Variants in RUFY2 observed in about 807,000 individuals in gnomAD.
The protein encoded by RUFY2 is RUN and FYVE domain containing 2.
A neutral mutation model predicts 94.4 loss-of-function variants in RUFY2; 49 were observed. That is an observed-to-expected ratio of 0.52 (90% confidence interval 0.41 to 0.66). The LOEUF is 0.66. Ranked by LOEUF, RUFY2 falls within the 30% of genes least tolerant of loss-of-function variation. The pLI is 0.00. For synonymous variants in RUFY2, 255 were observed against 235.7 expected (o/e 1.08, Z -0.75); for missense variants, 541 against 692.8 (o/e 0.78, Z 2.46).
intron 15 of RUFY2, among the ~76,000 whole-genome samples, chr10:68,356,724 T>G (rs1237575262): frequency 6.6e-6 from 1 of 151,772 alleles, no homozygotes; most frequent in African/African-American, 2.4e-5. Flanking sequence ...AATTTTTGTA[T>G]TTTTAGTAGA....
Position 68,364,046 on chromosome 10 carries a change from T to C in RUFY2, c.1393A>G (p.Lys465Glu). Reference sequence around the variant, plus strand: ...AGATGAGATAAGGCATCTTTCTCCTTTTGAAGATCTTCCTGCAAAGTCTGC... The same window carrying C: ...AGATGAGATAAGGCATCTTTCTCCTCTTGAAGATCTTCCTGCAAAGTCTGC... ...WRQTLQEDLQ[K>E]EKDALSHLRN... The change falls in exon 14 of 18, where the codon AAG becomes GAG. Residue 465 changes from lysine to glutamate, a missense_variant. By Grantham distance (56) the Lys-to-Glu change is moderately conservative. Around this residue, in one of 3 missense-constraint regions of RUFY2, gnomAD observed 403 missense variants for 480.7 expected, o/e 0.84. Coordinates refer to ENST00000602465, the MANE Select transcript of RUFY2 (RefSeq NM_001330103.2). 1 of 1,612,532 alleles carries C rather than the reference T, an allele frequency of 6.2e-7. No individual in the cohort carries two copies. Among genetic ancestry groups the C allele is most frequent in the Non-Finnish European group, 8.5e-7 (1 of 1,178,802 alleles).
chr10:68,404,857 G>A lies in RUFY2; in HGVS notation c.5-13C>T, dbSNP rs759971131. On this transcript the variant is annotated splice_polypyrimidine_tract_variant and intron_variant, in intron 1 of 17. Coordinates refer to ENST00000602465, the MANE Select transcript of RUFY2 (RefSeq NM_001330103.2). ...GGGTCTTTTGTAGCTGAAAACACAA[G>A]AAAGGAATCCAACATCATTTGTAAG... is the stretch of plus-strand genomic sequence containing the variant. 2 of 1,527,306 alleles carry A rather than the reference G, an allele frequency of 1.3e-6. No homozygotes were observed. The highest frequency in any genetic ancestry group is 1.3e-5 in the South Asian group (1 of 79,098). The allele number at this position is 1,527,306 out of a possible 1,614,324, so 94.6% of individuals were successfully genotyped here.
At chr10:68,346,325 T>TCA (rs1207460568) in intron 16 of RUFY2, 3 of 393,628 alleles carry the variant, frequency 7.6e-6, no homozygotes, top group African/African-American at 6.3e-5. Context: ...CGACAATGGC[T>TCA]CACACCGGTA....
chr10:68,381,247 C>T lies in RUFY2; in HGVS notation c.1092G>A (p.Met364Ile), dbSNP rs754742595. ...LEEVKAINIEMYQKLQGSEDG... is the reference protein window; with the variant it reads ...LEEVKAINIEIYQKLQGSEDG... ...CAATCCTTACCTGCAACTTTTGATA[C>T]ATCTCTATGTTAATTGCTTTAACTT... Residue 364 changes from methionine (M) to isoleucine (I), a missense_variant, in exon 11 of 18, where the codon ATG becomes ATA. Physicochemically the swap from Met to Ile is conservative, Grantham distance 10. Coordinates refer to ENST00000602465, the MANE Select transcript of RUFY2 (RefSeq NM_001330103.2). The T allele has an allele frequency of 1.2e-6, 2 of 1,604,860 alleles. No individual in the cohort carries two copies. The highest frequency in any genetic ancestry group is 1.7e-6 in the Non-Finnish European group (2 of 1,175,678).
At chr10:68,402,419 C>G (rs1422859930) in intron 2 of RUFY2, among the ~76,000 whole-genome samples, 1 of 152,098 alleles carries the variant, frequency 6.6e-6, no homozygotes, top group Non-Finnish European at 1.5e-5. Flanking sequence ...ATCATATACA[C>G]TACCCAAGGA....
chr10:68,405,806 A>G, intron 1 of RUFY2: 1 of 663,106 alleles, frequency 1.5e-6, no homozygotes. Flanking sequence ...CCAGTTTTAC[A>G]TTAATGTTCC....
chr10:68,399,805 G>A (rs1324744427), intron 3 of RUFY2, among the ~76,000 whole-genome samples: 1 of 152,158 alleles, frequency 6.6e-6, no homozygotes, highest in African/African-American at 2.4e-5. Context: ...TTTTGAGACA[G>A]AGTTTCTCTC....
At chr10:68,406,837 C>G (rs1391894437) in intron 1 of RUFY2, 2 of 1,612,574 alleles carry the variant, frequency 1.2e-6, no homozygotes, top group East Asian at 2.2e-5. Flanking sequence ...GTCTTCCCTC[C>G]GCCACCCCCA....
At chr10:68,404,930 C>T (rs1173029873) in intron 1 of RUFY2, 86 bp from the exon 2 acceptor site, 14 of 1,133,370 alleles carry the variant, frequency 1.2e-5, no homozygotes, top group South Asian at 1.1e-4. Flanking sequence ...CTATAAAAAC[C>T]AACAGTAGTT....
Position 68,395,231 on chromosome 10 carries a change from G to A in RUFY2, c.399-780C>T, listed in dbSNP as rs182491613. ...CACACGCCTGTAATTCCACCTACTC[G>A]GGAGGCTGAGACAGGAGAATTGCCT... On this transcript the variant is annotated intron_variant, in intron 4 of 17. Transcript: ENST00000602465. Among the ~76,000 whole-genome samples, 29 of 151,972 alleles carry A rather than the reference G, an allele frequency of 1.9e-4. No homozygotes were observed. In the Middle Eastern group the frequency reaches 0.01, roughly 54 times the overall value.
intron 13 of RUFY2, among the ~76,000 whole-genome samples, chr10:68,372,405 AAAAAT>A (rs1226120142): frequency 2.0e-5 from 3 of 151,928 alleles, no homozygotes; most frequent in Admixed American, 6.6e-5. Flanking sequence ...CCTATCTCAA[AAAAAT>A]AAAATAAAAT....
chr10:68,342,832 T>C (rs531987931), downstream of RUFY2: 1 of 152,668 alleles, frequency 6.6e-6, no homozygotes, highest in Non-Finnish European at 1.5e-5. Context: ...ATTAAGTACA[T>C]AGGTATTTAC....
rs1165418927 is a variant in RUFY2 at position 68,344,387 on chromosome 10, TA to T, written c.*1380del. On this transcript the variant is annotated 3_prime_UTR_variant, in exon 18 of 18. Coordinates refer to ENST00000602465, the MANE Select transcript of RUFY2 (RefSeq NM_001330103.2). ...TGTATTTTTTATAGGCTCACAAACT[TA>T]AAGTGCATGGTTAAAAATTAATGTA... is the stretch of plus-strand genomic sequence containing the variant. The T allele has an allele frequency of 1.3e-5, 2 of 152,218 alleles. No homozygotes were observed. Among genetic ancestry groups the T allele is most frequent in the South Asian group, 2.1e-4 (1 of 4,778 alleles). The allele number at this position is 152,218 out of a possible 1,614,324, so 9.4% of individuals were successfully genotyped here.
At chr10:68,373,731 C>T (rs755393716) in intron 13 of RUFY2, among the ~76,000 whole-genome samples, 4 of 152,136 alleles carry the variant, frequency 2.6e-5, no homozygotes, top group Non-Finnish European at 5.9e-5. Context: ...ATAATGGCAC[C>T]ACTATACTCC....
chr10:68,401,235 G>A (rs1380623095), intron 3 of RUFY2, among the ~76,000 whole-genome samples: 1 of 152,148 alleles, frequency 6.6e-6, no homozygotes, highest in African/African-American at 2.4e-5. Context: ...CTGAGAACTG[G>A]AATATCCTGA....
chr10:68,402,384 G>A (rs920632656), intron 2 of RUFY2, among the ~76,000 whole-genome samples: 3 of 152,010 alleles, frequency 2.0e-5, no homozygotes, highest in Non-Finnish European at 2.9e-5. Flanking sequence ...TTACTGACCA[G>A]ATCTCCTGCA....
At chr10:68,345,982 T>C (rs756794544) in intron 17 of RUFY2, 25 bp downstream of exon 17, 13 of 1,612,254 alleles carry the variant, frequency 8.1e-6, no homozygotes, top group Middle Eastern at 1.7e-4. Flanking sequence ...TCCAAATTTT[T>C]GGACTCACTT....
At position 68,344,146 on chromosome 10, in the gene RUFY2, C is replaced by G. The variant is rs2046141050; in HGVS notation, c.*1622G>C. 1 of 152,052 alleles carries G rather than the reference C, an allele frequency of 6.6e-6. No homozygotes were observed. The allele number at this position is 152,052 out of a possible 1,614,324, so 9.4% of individuals were successfully genotyped here. ...TAGAAATCTGTGTCACATCTGACAC[C>G]TCAAAAGCTGACTGGAAATTTACGG... On this transcript the variant is annotated 3_prime_UTR_variant, in exon 18 of 18. Transcript: ENST00000602465.
chr10:68,365,254 C>T (rs1258260643), intron 13 of RUFY2, among the ~76,000 whole-genome samples: 2 of 152,122 alleles, frequency 1.3e-5, no homozygotes, highest in Non-Finnish European at 2.9e-5. Context: ...AAAATTTGAA[C>T]AGCATCTCTT....
Sources: gnomAD v4.1 joint callset for allele counts (sites outside exome capture counted in the v4.1 genomes callset) on GRCh38, gnomAD v4.1.1 for gene constraint, gnomAD v4.1.1 regional missense constraint, MANE v1.5 for transcripts, NCBI Gene and HGNC (gene_info 2026-07-23, HGNC 2026-07-21) for gene names.